SCN10A: variants seen among roughly 807,000 people sequenced by gnomAD.
SCN10A encodes the protein sodium voltage-gated channel alpha subunit 10.
SCN10A carries 162 observed loss-of-function variants against 170.7 expected under a neutral mutation model. The ratio of observed to expected loss-of-function variants is 0.95; its 90% confidence interval spans 0.84 to 1.08. SCN10A has a LOEUF of 1.08. SCN10A is among the 50% of genes least tolerant of loss of function. SCN10A has a pLI of 0.00. For synonymous variants in SCN10A, 985 were observed against 904.6 expected (o/e 1.09, Z -1.59); for missense variants, 2,527 against 2,436.9 (o/e 1.04, Z -0.78).
In SCN10A at chr3:38,735,445, A is replaced by G. The variant is rs908895580; in HGVS notation, c.2280+4070T>C. 4.6e-5 allele frequency among the ~76,000 whole-genome samples: 7 copies of G among 152,242 alleles called. No homozygotes were observed. In the South Asian group the frequency reaches 8.3e-4, roughly 18 times the overall value. On this transcript the variant is annotated intron_variant, in intron 15 of 27. Transcript: ENST00000449082. Reference sequence around the variant, plus strand: ...ATTGAAAGACTGGTATACAGCGTATACTATCTTCATAGATCAGAAGACTGA... The same window carrying G: ...ATTGAAAGACTGGTATACAGCGTATGCTATCTTCATAGATCAGAAGACTGA...
chr3:38,727,005 G>A lies in SCN10A; in HGVS notation c.2688C>T (p.Asp896=), dbSNP rs990606927. 6.2e-7 allele frequency: 1 copy of A among 1,614,004 alleles called. No homozygotes were observed. Among genetic ancestry groups the A allele is most frequent in the African/African-American group, 1.3e-5 (1 of 74,944 alleles). ...IALLLNSFSA[D]NLTAPEDDGE... ...CATCGTCCTCCGGGGCTGTGAGGTT[G>A]TCAGCACTGAAAGAGTTCAATAGCA... The change falls in exon 17 of 28, where the codon GAC becomes GAT. Residue 896 remains aspartate, a synonymous_variant. Coordinates refer to ENST00000449082, the MANE Select transcript of SCN10A (RefSeq NM_006514.4).
intron 4 of SCN10A, among the ~76,000 whole-genome samples, chr3:38,775,173 C>T (rs1270232401): frequency 1.3e-5 from 2 of 152,152 alleles, no homozygotes; most frequent in African/African-American, 4.8e-5. Context: ...TATTGTGGAA[C>T]TATCACCACT....
At chr3:38,747,237 C>A (rs9844577) in intron 13 of SCN10A, among the ~76,000 whole-genome samples, 105,559 of 152,020 alleles carry the variant, frequency 0.69, 38,193 homozygotes, top group African/African-American at 0.91. Flanking sequence ...AACATATTTG[C>A]CTATTACTTA....
chr3:38,812,320 G>A (rs965922720), intron 1 of SCN10A, among the ~76,000 whole-genome samples: 4 of 152,152 alleles, frequency 2.6e-5, no homozygotes, highest in Non-Finnish European at 4.4e-5. Context: ...CTAAAGCCTT[G>A]AGGCTAACTT....
At chr3:38,760,823 T>C (rs926023296) in intron 7 of SCN10A, 76 bp from the exon 8 acceptor site, 4 of 1,210,250 alleles carry the variant, frequency 3.3e-6, no homozygotes, top group Non-Finnish European at 4.9e-6. Flanking sequence ...GTGAATGCAA[T>C]ATTCCCAAGT....
chr3:38,722,375 G>A lies in SCN10A; in HGVS notation c.3390C>T (p.Thr1130=). 6.2e-7 allele frequency: 1 copy of A among 1,614,136 alleles called. No homozygotes were observed. The highest frequency in any genetic ancestry group is 8.5e-7 in the Non-Finnish European group (1 of 1,180,016). ...IRHCPCCKLD[T]TKSPWDVGWQ... is the part of the protein sequence containing the mutation. The stretch of plus-strand genomic sequence containing the variant: ...AGCCCACATCCCATGGACTCTTGGT[G>A]GTATCCAGTTTGCAGCAGGGACAGT... The change falls in exon 20 of 28, where the codon ACC becomes ACT. Residue 1130 remains threonine, a synonymous_variant. Transcript: ENST00000449082.
intron 25 of SCN10A, among the ~76,000 whole-genome samples, chr3:38,708,345 C>CTAA (rs2063233347): frequency 6.6e-6 from 1 of 152,132 alleles, no homozygotes; most frequent in African/African-American, 2.4e-5. Flanking sequence ...CTTCCGTTAC[C>CTAA]TAATATCTCC....
At chr3:38,786,469 G>T (rs1250269266) in intron 4 of SCN10A, among the ~76,000 whole-genome samples, 1 of 151,988 alleles carries the variant, frequency 6.6e-6, no homozygotes, top group Non-Finnish European at 1.5e-5. Flanking sequence ...CACACACCAG[G>T]GCCTGTTGAG....
chr3:38,697,143 G>C lies in SCN10A; in HGVS notation c.*206C>G. ...GAAATTCAGAAGGGAAATCACAGTGGAAGTGCTCTTAGCTTCTGACTCCTA... is the reference window on the plus strand; with the variant it reads ...GAAATTCAGAAGGGAAATCACAGTGCAAGTGCTCTTAGCTTCTGACTCCTA... On this transcript the variant is annotated 3_prime_UTR_variant, in exon 28 of 28. Coordinates refer to ENST00000449082, the MANE Select transcript of SCN10A (RefSeq NM_006514.4). 1 of 655,272 alleles carries C rather than the reference G, an allele frequency of 1.5e-6. No homozygotes were observed. The highest frequency in any genetic ancestry group is 3.0e-5 in the Admixed American group (1 of 33,382). 40.6% of individuals were successfully genotyped at this position (655,272 alleles called of 1,614,324 possible).
At chr3:38,799,745 G>A (rs1251993480) in intron 1 of SCN10A, among the ~76,000 whole-genome samples, 1 of 152,076 alleles carries the variant, frequency 6.6e-6, no homozygotes, top group African/African-American at 2.4e-5. Flanking sequence ...AAAATCATAT[G>A]ATTAAGGTTT....
chr3:38,736,517 G>A (rs1475377464), intron 15 of SCN10A, among the ~76,000 whole-genome samples: 6 of 152,050 alleles, frequency 3.9e-5, no homozygotes, highest in Non-Finnish European at 7.4e-5. Flanking sequence ...AAACTGACCA[G>A]CTGGCGGTGA....
chr3:38,707,321 C>A lies in SCN10A; in HGVS notation c.4344G>T (p.Lys1448Asn). The change falls in exon 26 of 28, where the codon AAG (lysine) becomes AAT (asparagine). Residue 1448 changes from lysine to asparagine, a missense_variant. Lys to Asn is a moderately conservative substitution (Grantham distance 94). Transcript: ENST00000449082. ...EQKKYYNAMK[K>N]LGSKKPQKPI... ...GCTTCTGGGGCTTCTTGGAGCCCAA[C>A]TTCTTCATGGCATTGTAGTATTTCT... 1 of 1,614,158 alleles carries A rather than the reference C, an allele frequency of 6.2e-7. No homozygotes were observed. Among genetic ancestry groups the A allele is most frequent in the Non-Finnish European group, 8.5e-7 (1 of 1,180,018 alleles).
chr3:38,704,668 T>C (rs1028455700), intron 26 of SCN10A, among the ~76,000 whole-genome samples: 2 of 152,214 alleles, frequency 1.3e-5, no homozygotes, highest in Non-Finnish European at 2.9e-5. Flanking sequence ...AATTTCCCAG[T>C]CTTGTGGAAT....
intron 18 of SCN10A, among the ~76,000 whole-genome samples, 164 bp downstream of exon 18, chr3:38,725,010 G>A (rs892435771): frequency 7.9e-5 from 12 of 152,150 alleles, no homozygotes; most frequent in African/African-American, 2.2e-4. Context: ...CGGATTAGCC[G>A]GAGGTTGGGA....
At chr3:38,737,946 C>T (rs1432826510) in intron 15 of SCN10A, among the ~76,000 whole-genome samples, 1 of 150,108 alleles carries the variant, frequency 6.7e-6, no homozygotes, top group Non-Finnish European at 1.5e-5. Context: ...CTCTGTGTCT[C>T]CTTTCTTTTT....
chr3:38,716,424 C>G (rs1323803883), intron 21 of SCN10A, among the ~76,000 whole-genome samples: 2 of 152,032 alleles, frequency 1.3e-5, no homozygotes, highest in Non-Finnish European at 2.9e-5. Flanking sequence ...AGTTTCCCTG[C>G]CCAACCTCTC....
intron 15 of SCN10A, among the ~76,000 whole-genome samples, chr3:38,730,769 G>T (rs2063506325): frequency 6.6e-6 from 1 of 152,084 alleles, no homozygotes; most frequent in Non-Finnish European, 1.5e-5. Context: ...GACACAGTTT[G>T]GGAGAGAATT....
At chr3:38,784,466 T>C (rs1210509633) in intron 4 of SCN10A, among the ~76,000 whole-genome samples, 2 of 152,206 alleles carry the variant, frequency 1.3e-5, no homozygotes, top group South Asian at 2.1e-4. Flanking sequence ...AAACTAGGTA[T>C]TGATGGAATG....
chr3:38,785,322 A>G (rs2064185963), intron 4 of SCN10A, among the ~76,000 whole-genome samples: 1 of 152,190 alleles, frequency 6.6e-6, no homozygotes, highest in African/African-American at 2.4e-5. Flanking sequence ...CTCAGAAGTA[A>G]CACCGCATAT....
Sources: allele counts gnomAD v4.1 joint callset (sites outside exome capture counted in the v4.1 genomes callset), GRCh38; gene constraint gnomAD v4.1.1; transcripts MANE v1.5; gene names NCBI Gene and HGNC (gene_info 2026-07-23, HGNC 2026-07-21).